The following ARNT variants were observed in gnomAD, a reference collection of about 807,000 sequenced individuals.
The protein encoded by ARNT is aryl hydrocarbon receptor nuclear translocator, also known as class E basic helix-loop-helix protein 2.
Under a neutral mutation model 105.0 loss-of-function variants are expected in ARNT, and 30 were observed. The observed-to-expected ratio is 0.29, with a 90% CI of 0.21 to 0.39. ARNT has a LOEUF of 0.39. Ranked by LOEUF, ARNT falls within the 10% of genes least tolerant of loss-of-function variation. The probability of loss-of-function intolerance (pLI) is 1.00; values close to 1 mark genes in which losing one functional copy is unlikely to be tolerated. For synonymous variants in ARNT, 304 were observed against 344.0 expected, an observed-to-expected ratio of 0.88 and a Z score of 1.29; for missense variants, 748 against 978.7, an observed-to-expected ratio of 0.76 and a Z score of 3.15.
intron 1 of ARNT, among the ~76,000 whole-genome samples, chr1:150,860,137 T>C (rs1665353598): frequency 6.6e-6 from 1 of 151,718 alleles, no homozygotes; most frequent in South Asian, 2.1e-4. Flanking sequence ...GTTCATACTG[T>C]ATAGTGTACA....
Position 150,810,211 on chromosome 1 carries a change from C to T in ARNT, c.*1810G>A, listed in dbSNP as rs587774889. On this transcript the variant is annotated 3_prime_UTR_variant, in exon 22 of 22. Transcript: ENST00000358595. ...AGAAATGGCCAACAAGAAAACAAAA[C>T]AGTCAAAAATAAAACCCTGAAGGAA... 108 of 232,840 alleles carry T rather than the reference C, an allele frequency of 4.6e-4. No individual in the cohort carries two copies. The highest frequency in any genetic ancestry group is 3.7e-4 in the Non-Finnish European group (43 of 117,512). The allele number at this position is 232,840 out of a possible 1,614,324, so 14.4% of individuals were successfully genotyped here.
chr1:150,829,252 G>A (rs1270737966), intron 11 of ARNT, 25 bp from the exon 12 acceptor site: 7 of 1,605,984 alleles, frequency 4.4e-6, no homozygotes, highest in South Asian at 1.1e-5. Context: ...ATAAAAATGA[G>A]GTAAAATGAT....
At position 150,826,555 on chromosome 1, in the gene ARNT, G is replaced by A. The variant is rs767032946; in HGVS notation, c.1230C>T (p.Asp410=). ...CHPEDQQLLR[D]SFQQVVKLKG... The stretch of plus-strand genomic sequence containing the variant: ...GGAAAAAAGTTACCTGTTGGAAGCT[G>A]TCTCTTAGAAGCTGCTGGTCTTCAG... The change falls in exon 13 of 22, where the codon GAC becomes GAT. Residue 410 remains aspartate, a synonymous_variant. Transcript: ENST00000358595. The A allele has an allele frequency of 6.2e-7, 1 of 1,612,710 alleles. No individual in the cohort carries two copies. The highest frequency in any genetic ancestry group is 8.5e-7 in the Non-Finnish European group (1 of 1,178,990).
intron 16 of ARNT, 57 bp from the exon 17 acceptor site, chr1:150,817,259 C>T: frequency 1.2e-6 from 2 of 1,612,442 alleles, no homozygotes; most frequent in Non-Finnish European, 1.7e-6. Flanking sequence ...AATTCAATAA[C>T]CCTAAAATTC....
intron 7 of ARNT, among the ~76,000 whole-genome samples, chr1:150,835,420 C>T (rs1409055596): frequency 1.3e-5 from 2 of 152,004 alleles, no homozygotes; most frequent in African/African-American, 4.8e-5. Context: ...GTCTGGGCAA[C>T]AGACAGAACC....
chr1:150,832,737 T>G (rs148301196), intron 8 of ARNT, among the ~76,000 whole-genome samples: 131 of 152,302 alleles, frequency 8.6e-4, no homozygotes, highest in African/African-American at 2.6e-3. Flanking sequence ...AAAATAGCCA[T>G]AGATAATATG....
intron 19 of ARNT, 66 bp downstream of exon 19, chr1:150,816,193 C>T: frequency 1.3e-6 from 2 of 1,524,520 alleles, no homozygotes; most frequent in Non-Finnish European, 1.8e-6. Flanking sequence ...ACTGATTTTA[C>T]ATACGGAAAA....
rs375846904 is a variant in ARNT, at chr1:150,817,393, T to C, written c.1546A>G (p.Arg516Gly). 1.4e-5 allele frequency: 23 copies of C among 1,614,102 alleles called. No individual in the cohort carries two copies. Among genetic ancestry groups the C allele is most frequent in the Non-Finnish European group, 1.9e-5 (22 of 1,180,048 alleles). Residue 516 changes from arginine to glycine, a missense_variant, in exon 16 of 22, where the codon AGA becomes GGA. Arg to Gly is a moderately radical substitution (Grantham distance 125). Coordinates refer to ENST00000358595, the MANE Select transcript of ARNT (RefSeq NM_001668.4). The part of the protein sequence containing the change: ...QQTELDMVPG[R>G]DGLASYNHSQ... ...TGATTGTAGCTGGCCAGTCCATCTCTTCCTGGTACCATGTCCAATTCTGTT... is the reference window on the plus strand; with the variant it reads ...TGATTGTAGCTGGCCAGTCCATCTCCTCCTGGTACCATGTCCAATTCTGTT...
At chr1:150,818,602 A>T (rs1656422054) in intron 14 of ARNT, among the ~76,000 whole-genome samples, 1 of 152,086 alleles carries the variant, frequency 6.6e-6, no homozygotes, top group African/African-American at 2.4e-5. Flanking sequence ...AAATACAAAA[A>T]TTAGCAGGCG....
intron 3 of ARNT, among the ~76,000 whole-genome samples, chr1:150,850,738 C>T (rs1455470712): frequency 4.0e-5 from 6 of 150,806 alleles, no homozygotes; most frequent in African/African-American, 9.7e-5. Flanking sequence ...TCTGCCTGGC[C>T]GCCCATCGTC....
In ARNT at chr1:150,841,841, C is replaced by T. The variant is rs140511543; in HGVS notation, c.272+583G>A. The stretch of plus-strand genomic sequence containing the variant: ...CCTAGTATCTGACAGATTTCTGACA[C>T]GTAAGTACAGAAACCTGGTCTTTTA... On this transcript the variant is annotated intron_variant, in intron 5 of 21. Transcript: ENST00000358595. Among the ~76,000 whole-genome samples, 706 of 152,296 alleles carry T rather than the reference C, an allele frequency of 4.6e-3. 3 individuals are homozygous for T. The highest frequency in any genetic ancestry group is 0.016 in the African/African-American group (672 of 41,560).
chr1:150,865,638 G>T (rs1490782273), intron 1 of ARNT, among the ~76,000 whole-genome samples: 1 of 152,136 alleles, frequency 6.6e-6, no homozygotes, highest in Non-Finnish European at 1.5e-5. Flanking sequence ...TTACTCTCTG[G>T]AGAGTATAAA....
intron 3 of ARNT, among the ~76,000 whole-genome samples, chr1:150,852,509 G>A (rs1044232810): frequency 1.3e-5 from 2 of 152,134 alleles, no homozygotes; most frequent in African/African-American, 4.8e-5. Context: ...ACGAACTGTT[G>A]TTCTTTTTAG....
intron 1 of ARNT, among the ~76,000 whole-genome samples, chr1:150,860,215 A>AAT (rs1221352608): frequency 1.5e-5 from 1 of 65,520 alleles, no homozygotes. Context: ...AAAAAAAAAA[A>AAT]TTCTTTTTTT....
chr1:150,858,610 TTC>T (rs1665042242), intron 1 of ARNT, 150 bp from the exon 2 acceptor site: 2 of 604,894 alleles, frequency 3.3e-6, no homozygotes, highest in Non-Finnish European at 5.6e-6. Flanking sequence ...CAGATTGCTC[TTC>T]TTGATTTTTT....
At chr1:150,833,299 T>C (rs1361149890) in intron 8 of ARNT, among the ~76,000 whole-genome samples, 1 of 151,796 alleles carries the variant, frequency 6.6e-6, no homozygotes, top group African/African-American at 2.4e-5. Context: ...AGGTCAAGAG[T>C]TTGAGGCCAG....
intron 14 of ARNT, among the ~76,000 whole-genome samples, chr1:150,819,548 T>C (rs1318899618): frequency 6.6e-6 from 1 of 152,208 alleles, no homozygotes; most frequent in Non-Finnish European, 1.5e-5. Flanking sequence ...CAGTATGTGG[T>C]ATATCCATAC....
chr1:150,842,369 G>C, intron 5 of ARNT, 55 bp downstream of exon 5: 1 of 1,582,888 alleles, frequency 6.3e-7, no homozygotes, highest in Admixed American at 1.9e-5. Context: ...TAAGAAAAAG[G>C]ATAGAAAAAG....
At chr1:150,870,753 C>T (rs1484374109) in intron 1 of ARNT, among the ~76,000 whole-genome samples, 3 of 152,026 alleles carry the variant, frequency 2.0e-5, no homozygotes, top group Non-Finnish European at 4.4e-5. Context: ...AAGCAATCCA[C>T]CTACATCAGC....
Sources: gnomAD v4.1 joint callset for allele counts (sites outside exome capture counted in the v4.1 genomes callset) on GRCh38, gnomAD v4.1.1 for gene constraint, MANE v1.5 for transcripts, NCBI Gene and HGNC (gene_info 2026-07-23, HGNC 2026-07-21) for gene names.